The following CNDP1 variants were observed in gnomAD, a reference collection of about 807,000 sequenced individuals.
The protein encoded by CNDP1 is carnosine dipeptidase 1.
Under a neutral mutation model 58.1 loss-of-function variants are expected in CNDP1, and 44 were observed. The ratio of observed to expected loss-of-function variants is 0.76; its 90% CI spans 0.60 to 0.97. The LOEUF (loss-of-function observed/expected upper bound fraction) is 0.97. Among genes scored for constraint, CNDP1 ranks in the 50% least tolerant of loss-of-function variants. The pLI is 0.00. For synonymous variants in CNDP1, 254 were observed against 252.6 expected (o/e 1.01, Z -0.05); for missense variants, 616 against 655.1 (o/e 0.94, Z 0.65).
At chr18:74,583,509 TGG>T in intron 10 of CNDP1, 50 bp from the exon 11 acceptor site, 1 of 1,521,204 alleles carries the variant, frequency 6.6e-7, no homozygotes, top group Non-Finnish European at 9.1e-7. Context: ...AGGAGCTTCC[TGG>T]GGGTGTTCTT....
intron 7 of CNDP1, chr18:74,576,234 T>C (rs1981634329): frequency 6.6e-6 from 1 of 150,448 alleles, no homozygotes; most frequent in Non-Finnish European, 1.5e-5. Context: ...GATGTGATCA[T>C]GACTTACTGC....
Position 74,562,107 on chromosome 18 carries a change from C to T in CNDP1, c.527C>T (p.Ala176Val). The part of the protein sequence containing the change: ...NKGPVLAWIN[A>V]VSAFRALEQD... ...GGCCCTGTCTTGGCTTGGATCAATG[C>T]TGTGAGCGCCTTCAGAGCCCTGGAG... The change falls in exon 5 of 12, where the codon GCT becomes GTT. Residue 176 changes from alanine (A) to valine (V), a missense_variant. Ala to Val is a moderately conservative substitution (Grantham distance 64). Transcript: ENST00000358821. 6.2e-7 allele frequency: 1 copy of T among 1,614,100 alleles called. No individual in the cohort carries two copies.
chr18:74,576,278 C>T (rs1599101622), intron 7 of CNDP1: 1 of 151,782 alleles, frequency 6.6e-6, no homozygotes, highest in Non-Finnish European at 1.5e-5. Flanking sequence ...GATCCTCCCA[C>T]CTCAGCTTCC....
chr18:74,554,412 G>A (rs777541671), intron 1 of CNDP1, among the ~76,000 whole-genome samples: 20 of 152,276 alleles, frequency 1.3e-4, no homozygotes, highest in South Asian at 6.2e-4. Flanking sequence ...ACTCTTTATT[G>A]CCGTCTGGGA....
intron 7 of CNDP1, among the ~76,000 whole-genome samples, chr18:74,575,853 G>A (rs1981621627): frequency 6.8e-6 from 1 of 147,918 alleles, no homozygotes; most frequent in African/African-American, 2.5e-5. Flanking sequence ...GTGTGTGTGT[G>A]TGTGTGTGTA....
chr18:74,578,049 G>A, intron 8 of CNDP1, 114 bp from the exon 9 acceptor site: 1 of 918,628 alleles, frequency 1.1e-6, no homozygotes. Flanking sequence ...TGAGTAAGGT[G>A]ACAGTTAACG....
In CNDP1 at chr18:74,562,181, C is replaced by G. The variant is rs759717511; in HGVS notation, c.555+46C>G. 82 of 1,559,192 alleles carry G rather than the reference C, an allele frequency of 5.3e-5. No homozygotes were observed. In the South Asian group the frequency reaches 8.0e-4, roughly 15 times the overall value. ...GGAGAGAGGAGGAGGAGGATGGTAA[C>G]GACAACTTTCTTTGAGTTGTTTGCT... On this transcript the variant is annotated intron_variant, in intron 5 of 11. Transcript: ENST00000358821.
intron 1 of CNDP1, among the ~76,000 whole-genome samples, chr18:74,555,418 C>T (rs928129060): frequency 1.3e-5 from 2 of 152,152 alleles, no homozygotes; most frequent in Non-Finnish European, 2.9e-5. Flanking sequence ...TCTGATGGCT[C>T]GGGCTGCACT....
chr18:74,541,218 G>C (rs1000678678), intron 1 of CNDP1, among the ~76,000 whole-genome samples: 8 of 152,348 alleles, frequency 5.3e-5, no homozygotes, highest in African/African-American at 1.7e-4. Context: ...GACGCACCTG[G>C]GGAAGGAGAC....
intron 1 of CNDP1, among the ~76,000 whole-genome samples, chr18:74,549,363 G>C (rs1236388842): frequency 6.6e-6 from 1 of 152,198 alleles, no homozygotes; most frequent in African/African-American, 2.4e-5. Flanking sequence ...TAGATGTTCT[G>C]ATGATTCTGA....
chr18:74,583,001 C>A (rs559593527), intron 10 of CNDP1, among the ~76,000 whole-genome samples: 1 of 152,216 alleles, frequency 6.6e-6, no homozygotes, highest in Admixed American at 6.5e-5. Flanking sequence ...TTTTTATTTA[C>A]AATTGTATTT....
chr18:74,582,209 C>T lies in CNDP1; in HGVS notation c.1310-1352C>T, dbSNP rs960630623. Among the ~76,000 whole-genome samples the T allele has an allele frequency of 7.2e-5, 11 of 152,334 alleles. No individual in the cohort carries two copies. In the East Asian group the frequency reaches 1.3e-3, roughly 19 times the overall value. ...TTTCAGGAATGCATAAGACACCTTT[C>T]GGTCTATTTGTGTGCTAAACTGGTT... On this transcript the variant is annotated intron_variant, in intron 10 of 11. Transcript: ENST00000358821.
chr18:74,572,467 C>T (rs1044736011), intron 7 of CNDP1, among the ~76,000 whole-genome samples: 2 of 152,124 alleles, frequency 1.3e-5, no homozygotes, highest in Non-Finnish European at 2.9e-5. Context: ...CTGTGCTCCA[C>T]TTGGCATGTA....
At position 74,573,714 on chromosome 18, in the gene CNDP1, C is replaced by T. The variant is rs377620278; in HGVS notation, c.841+2444C>T. On this transcript the variant is annotated intron_variant, in intron 7 of 11. Coordinates refer to ENST00000358821, the MANE Select transcript of CNDP1 (RefSeq NM_032649.6). ...ACTGCATCTGAAATCTTTAGGAGCA[C>T]ATTTTGCTCTTCCCACAAGCATGAT... Among the ~76,000 whole-genome samples the T allele has an allele frequency of 7.2e-5, 11 of 152,306 alleles. No homozygotes were observed. The South Asian group carries it at 2.1e-3, about 29-fold the overall frequency.
At chr18:74,584,306 T>G in intron 11 of CNDP1, 190 bp from the exon 12 acceptor site, 1 of 575,380 alleles carries the variant, frequency 1.7e-6, no homozygotes, top group South Asian at 2.1e-5. Context: ...TCTCATCTTC[T>G]TAATAATAAT....
Position 74,571,276 on chromosome 18 carries a change from G to T in CNDP1, c.841+6G>T, listed in dbSNP as rs766854221. 4 of 1,592,278 alleles carry T rather than the reference G, an allele frequency of 2.5e-6. No homozygotes were observed. In the Admixed American group the frequency reaches 5.0e-5, roughly 20 times the overall value. ...TGATCTGGTTGCTCTTCTCGGTAAT[G>T]CCTTATTTTGTTTCACTTTTTAAGC... On this transcript the variant is annotated splice_donor_region_variant and intron_variant, in intron 7 of 11. Transcript: ENST00000358821.
intron 3 of CNDP1, 112 bp downstream of exon 3, chr18:74,559,584 T>C: frequency 1.1e-6 from 1 of 907,596 alleles, no homozygotes; most frequent in Non-Finnish European, 1.6e-6. Context: ...CAACCCCCCA[T>C]AACCCCAATT....
chr18:74,551,225 T>C (rs1980897918), intron 1 of CNDP1, among the ~76,000 whole-genome samples: 1 of 152,084 alleles, frequency 6.6e-6, no homozygotes, highest in Non-Finnish European at 1.5e-5. Flanking sequence ...GGCACCATGC[T>C]TCCTGTACAG....
intron 3 of CNDP1, 138 bp downstream of exon 3, chr18:74,559,610 A>C: frequency 2.6e-6 from 2 of 763,950 alleles, no homozygotes; most frequent in Non-Finnish European, 4.0e-6. Flanking sequence ...TGAAGATGAA[A>C]CATTCCCCTG....
Sources: allele counts gnomAD v4.1 joint callset (sites outside exome capture counted in the v4.1 genomes callset), GRCh38; gene constraint gnomAD v4.1.1; transcripts MANE v1.5; gene names NCBI Gene and HGNC (gene_info 2026-07-23, HGNC 2026-07-21).